MCTP1: variants seen among roughly 807,000 people sequenced by gnomAD.
MCTP1 encodes the protein multiple C2 and transmembrane domain containing 1.
Under a neutral mutation model 120.6 loss-of-function variants are expected in MCTP1, and 69 were observed. The ratio of observed to expected loss-of-function variants is 0.57; its 90% confidence interval spans 0.47 to 0.70. The LOEUF is 0.70. MCTP1 is among the 30% of genes least tolerant of loss of function. MCTP1 has a pLI of 0.00. For synonymous variants in MCTP1, 529 were observed against 493.1 expected (o/e 1.07, Z -0.96); for missense variants, 1,203 against 1,248.8 (o/e 0.96, Z 0.55).
At chr5:95,053,899 T>C (rs1746655756) in intron 1 of MCTP1, among the ~76,000 whole-genome samples, 1 of 152,194 alleles carries the variant, frequency 6.6e-6, no homozygotes, top group Non-Finnish European at 1.5e-5. Flanking sequence ...AAAAGGCTAT[T>C]AGGCAGTGGA....
intron 2 of MCTP1, among the ~76,000 whole-genome samples, chr5:95,015,546 A>T (rs945437903): frequency 6.6e-6 from 1 of 151,990 alleles, no homozygotes; most frequent in Non-Finnish European, 1.5e-5. Context: ...CTAGCTTTTG[A>T]TTTCTGTATT....
intron 2 of MCTP1, among the ~76,000 whole-genome samples, chr5:94,996,315 G>A (rs1272298826): frequency 3.3e-5 from 5 of 152,148 alleles, no homozygotes; most frequent in Admixed American, 6.6e-5. Flanking sequence ...TAAGTAAATC[G>A]AATTAGAATA....
intron 1 of MCTP1, among the ~76,000 whole-genome samples, chr5:95,178,200 C>T (rs1748224413): frequency 6.6e-6 from 1 of 152,214 alleles, no homozygotes; most frequent in Non-Finnish European, 1.5e-5. Flanking sequence ...GCAAGGCCCA[C>T]CCAAGGAGAC....
At chr5:94,774,274 T>C (rs1187667135) in intron 19 of MCTP1, among the ~76,000 whole-genome samples, 1 of 146,936 alleles carries the variant, frequency 6.8e-6, no homozygotes, top group African/African-American at 2.5e-5. Flanking sequence ...CATGACTAGG[T>C]TGTGTTCTGT....
At chr5:95,149,237 C>G (rs149239151) in intron 1 of MCTP1, among the ~76,000 whole-genome samples, 79 of 152,282 alleles carry the variant, frequency 5.2e-4, no homozygotes, top group African/African-American at 1.9e-3. Context: ...TAGGCCATAC[C>G]CTTCCCAGAC....
intron 1 of MCTP1, among the ~76,000 whole-genome samples, chr5:95,137,368 GT>G (rs1319454755): frequency 6.6e-6 from 1 of 152,232 alleles, no homozygotes; most frequent in African/African-American, 2.4e-5. Flanking sequence ...GGCTCACAGA[GT>G]TGCTGTGAAG....
chr5:94,961,439 GAATTGTCC>G (rs1292905063), intron 2 of MCTP1, among the ~76,000 whole-genome samples: 1 of 151,994 alleles, frequency 6.6e-6, no homozygotes, highest in Non-Finnish European at 1.5e-5. Flanking sequence ...AAGAAAATCA[GAATTGTCC>G]AGTAAGTTGT....
chr5:94,770,138 C>T (rs1430982549), intron 19 of MCTP1, among the ~76,000 whole-genome samples: 1 of 152,106 alleles, frequency 6.6e-6, no homozygotes, highest in Non-Finnish European at 1.5e-5. Context: ...TCAGATGGAG[C>T]ATCTGTGATG....
intron 19 of MCTP1, among the ~76,000 whole-genome samples, chr5:94,716,859 G>A (rs984623188): frequency 4.6e-5 from 7 of 151,848 alleles, no homozygotes; most frequent in Admixed American, 4.6e-4. Context: ...TCTAAAGTTT[G>A]TTGGACAAAT....
chr5:94,797,157 T>C (rs570352854), intron 18 of MCTP1, among the ~76,000 whole-genome samples: 1 of 152,286 alleles, frequency 6.6e-6, no homozygotes, highest in East Asian at 1.9e-4. Context: ...ACATTATATA[T>C]TATTTTTCTT....
chr5:94,866,546 C>CTT (rs5869653), intron 17 of MCTP1, among the ~76,000 whole-genome samples: 1 of 129,922 alleles, frequency 7.7e-6, no homozygotes. Context: ...CTGATTCCCT[C>CTT]TTTTTTTTTT....
intron 19 of MCTP1, among the ~76,000 whole-genome samples, chr5:94,716,605 C>T (rs1759456102): frequency 6.6e-6 from 1 of 152,092 alleles, no homozygotes; most frequent in African/African-American, 2.4e-5. Context: ...CAGAATAAGT[C>T]AAACGAGTTG....
chr5:94,903,208 G>A (rs975437301), intron 10 of MCTP1, among the ~76,000 whole-genome samples: 3 of 151,866 alleles, frequency 2.0e-5, no homozygotes, highest in Non-Finnish European at 4.4e-5. Flanking sequence ...AGAATTTTCT[G>A]ACTAGCTGTC....
At chr5:95,253,942 T>C (rs1438648033) in intron 1 of MCTP1, among the ~76,000 whole-genome samples, 1 of 152,144 alleles carries the variant, frequency 6.6e-6, no homozygotes, top group Non-Finnish European at 1.5e-5. Context: ...TCATATTAAC[T>C]TTTTATTCAG....
chr5:94,751,381 G>A (rs913908839), intron 19 of MCTP1, among the ~76,000 whole-genome samples: 2 of 151,394 alleles, frequency 1.3e-5, no homozygotes, highest in African/African-American at 4.9e-5. Context: ...ATGAGATAGT[G>A]TATGAGAGAA....
At chr5:94,918,816 G>A (rs1194046375) in intron 7 of MCTP1, among the ~76,000 whole-genome samples, 2 of 152,146 alleles carry the variant, frequency 1.3e-5, no homozygotes, top group Admixed American at 1.3e-4. Context: ...GCTATTACAT[G>A]CTGCTGTTTT....
At chr5:94,822,138 T>C (rs2153105897) in intron 17 of MCTP1, among the ~76,000 whole-genome samples, 1 of 152,230 alleles carries the variant, frequency 6.6e-6, no homozygotes, top group African/African-American at 2.4e-5. Context: ...GTATACATGT[T>C]CCATAGCGGT....
At chr5:94,867,393 G>C in intron 17 of MCTP1, 24 of 1,440,946 alleles carry the variant, frequency 1.7e-5, no homozygotes, top group African/African-American at 2.8e-5. Flanking sequence ...CTGAGAGGAA[G>C]ACAGAGCTCA....
In MCTP1 at chr5:94,799,020, C is replaced by A. The variant is rs781178239; in HGVS notation, c.2549G>T (p.Arg850Leu). ...LIISGKDNRQ[R>L]DTVVEDMLED... ...AAGAGAGTAGAGACTTACTGTATCA[C>A]GTTGCCTGTTATCTTTCCCTGATAT... The change falls in exon 18 of 23, where the codon CGT becomes CTT. Residue 850 changes from arginine (R) to leucine (L), a missense_variant. Physicochemically the swap from Arg to Leu is moderately radical, Grantham distance 102. Around this residue, in one of 2 missense-constraint regions of MCTP1, gnomAD observed 740 missense variants for 871.1 expected, o/e 0.85. Transcript: ENST00000515393. 7.4e-6 allele frequency: 12 copies of A among 1,611,050 alleles called. No individual in the cohort carries two copies. In the South Asian group the frequency reaches 9.9e-5, roughly 13 times the overall value.
Sources: allele counts gnomAD v4.1 joint callset (sites outside exome capture counted in the v4.1 genomes callset), GRCh38; gene constraint gnomAD v4.1.1; regional missense constraint gnomAD v4.1.1; transcripts MANE v1.5; gene names NCBI Gene and HGNC (gene_info 2026-07-23, HGNC 2026-07-21).